The following VTCN1 variants were observed in gnomAD, a reference collection of about 807,000 sequenced individuals.
The protein encoded by VTCN1 is V-set domain-containing T-cell activation inhibitor 1.
In VTCN1, 26 loss-of-function variants were observed where a neutral mutation model predicts 26.5. The observed-to-expected ratio is 0.98, with a 90% CI of 0.72 to 1.36. The LOEUF is 1.36. Ranked by LOEUF, VTCN1 falls within the 40% of genes most tolerant of loss-of-function variation. The pLI is 0.00. For synonymous variants in VTCN1, 116 were observed against 130.7 expected, an observed-to-expected ratio of 0.89 and a Z score of 0.77; for missense variants, 298 against 337.7, an observed-to-expected ratio of 0.88 and a Z score of 0.92.
At chr1:117,158,886 A>G (rs538074883) in intron 2 of VTCN1, among the ~76,000 whole-genome samples, 1 of 152,236 alleles carries the variant, frequency 6.6e-6, no homozygotes, top group East Asian at 1.9e-4. Context: ...AGTTCCACAA[A>G]TCTCGAGGGC....
At chr1:117,190,458 G>A (rs930671227) in intron 1 of VTCN1, among the ~76,000 whole-genome samples, 1 of 152,208 alleles carries the variant, frequency 6.6e-6, no homozygotes, top group Non-Finnish European at 1.5e-5. Flanking sequence ...AGTATTTCCT[G>A]CTTACTAACT....
rs532664985 is a variant in VTCN1, at chr1:117,196,072, A to T, written c.32+14752T>A. ...AAGGGTGAAGTGGGAGGATCACTTGATCCTGGGAAGTTGAGGCTGCAGTGA... is the reference window on the plus strand; with the variant it reads ...AAGGGTGAAGTGGGAGGATCACTTGTTCCTGGGAAGTTGAGGCTGCAGTGA... On this transcript the variant is annotated intron_variant, in intron 1 of 5. Transcript: ENST00000369458. Among the ~76,000 whole-genome samples the T allele has an allele frequency of 4.6e-5, 7 of 152,258 alleles. No homozygotes were observed. In the East Asian group the frequency reaches 1.2e-3, roughly 25 times the overall value.
intron 1 of VTCN1, among the ~76,000 whole-genome samples, chr1:117,209,342 A>T (rs1357903756): frequency 6.6e-6 from 1 of 152,044 alleles, no homozygotes; most frequent in African/African-American, 2.4e-5. Context: ...TTGCAGGAGG[A>T]GTGTTTCATG....
chr1:117,144,769 GGCAGTCAATTAGCA>G lies in VTCN1; in HGVS notation c.*488_*501del, dbSNP rs1377958252. ...TGCAGCCGCCCCTGAGTTGCGAAGTGGCAGTCAATTAGCAGCGTCTTAGGGTACATACTACAGCT... is the reference window on the plus strand; with the variant it reads ...TGCAGCCGCCCCTGAGTTGCGAAGTGGCGTCTTAGGGTACATACTACAGCT... On this transcript the variant is annotated 3_prime_UTR_variant, in exon 6 of 6. Coordinates refer to ENST00000369458, the MANE Select transcript of VTCN1 (RefSeq NM_024626.4). The G allele has an allele frequency of 1.3e-5, 2 of 152,600 alleles. No individual in the cohort carries two copies. The highest frequency in any genetic ancestry group is 1.3e-4 in the Admixed American group (2 of 15,276). The allele number at this position is 152,600 out of a possible 1,614,324, so 9.5% of individuals were successfully genotyped here. A position where few individuals can be genotyped will look rare whatever the true frequency, so the allele number is the denominator to read the frequency against.
chr1:117,199,071 C>G (rs947465819), intron 1 of VTCN1, among the ~76,000 whole-genome samples: 1 of 152,108 alleles, frequency 6.6e-6, no homozygotes, highest in African/African-American at 2.4e-5. Context: ...CTCCTGGGCT[C>G]CCACATTCAC....
chr1:117,187,136 C>A (rs1647982209), intron 1 of VTCN1, among the ~76,000 whole-genome samples: 1 of 151,538 alleles, frequency 6.6e-6, no homozygotes, highest in Non-Finnish European at 1.5e-5. Context: ...CAAGGTGAAA[C>A]CCTGCCTCTA....
chr1:117,191,341 A>AG (rs1648234160), intron 1 of VTCN1, among the ~76,000 whole-genome samples: 1 of 152,206 alleles, frequency 6.6e-6, no homozygotes, highest in Non-Finnish European at 1.5e-5. Context: ...CAAGAGAGAA[A>AG]GGGGAAAACA....
intron 1 of VTCN1, chr1:117,203,911 G>T: frequency 2.6e-6 from 1 of 389,658 alleles, no homozygotes; most frequent in Non-Finnish European, 3.5e-6. Flanking sequence ...GTTCCCAGGT[G>T]ATGTGGATGC....
At chr1:117,181,811 G>T (rs929354596) in intron 1 of VTCN1, among the ~76,000 whole-genome samples, 7 of 152,120 alleles carry the variant, frequency 4.6e-5, no homozygotes, top group Non-Finnish European at 7.4e-5. Flanking sequence ...TTTCAGCGAG[G>T]TCATCAGTCA....
At position 117,146,702 on chromosome 1, in the gene VTCN1, G is replaced by A. The variant is rs774621418; in HGVS notation, c.*45+911C>T. Among the ~76,000 whole-genome samples the A allele has an allele frequency of 6.6e-6, 1 of 152,146 alleles. No individual in the cohort carries two copies. On this transcript the variant is annotated intron_variant, in intron 5 of 5. Coordinates refer to ENST00000369458, the MANE Select transcript of VTCN1 (RefSeq NM_024626.4). The surrounding 1 kb of genome is among the most constrained non-coding windows in gnomAD (Gnocchi z 4.2). ...GGCAGCAGTAGTGGTAGGTAGTAAT[G>A]GTGGGTAGGTATGCTTCTGTGACTT... is the stretch of plus-strand genomic sequence containing the variant.
At chr1:117,179,337 T>A (rs531740554) in intron 1 of VTCN1, among the ~76,000 whole-genome samples, 1 of 152,220 alleles carries the variant, frequency 6.6e-6, no homozygotes, top group Non-Finnish European at 1.5e-5. Context: ...ATCAGGGCGG[T>A]GATATGACTG....
Position 117,170,101 on chromosome 1 carries a change from A to C in VTCN1, c.97+6T>G. The C allele has an allele frequency of 6.2e-7, 1 of 1,612,618 alleles. No homozygotes were observed. The highest frequency in any genetic ancestry group is 8.5e-7 in the Non-Finnish European group (1 of 1,178,702). On this transcript the variant is annotated splice_donor_region_variant and intron_variant, in intron 2 of 5. Transcript: ENST00000369458. ...ATAGATTGTAGTAATGCAAGAAATC[A>C]CATACCTGAAATACCAAAGCCAATG...
At chr1:117,176,466 A>G (rs1647360047) in intron 1 of VTCN1, among the ~76,000 whole-genome samples, 1 of 152,236 alleles carries the variant, frequency 6.6e-6, no homozygotes, top group South Asian at 2.1e-4. Context: ...GGAAAGCTCA[A>G]AATGCTCAGT....
At chr1:117,189,898 G>A (rs1389215773) in intron 1 of VTCN1, among the ~76,000 whole-genome samples, 1 of 60,278 alleles carries the variant, frequency 1.7e-5, no homozygotes, top group Non-Finnish European at 3.1e-5. Flanking sequence ...AAACCCCAGT[G>A]AAGCCCAAGA....
At chr1:117,165,472 A>G (rs373184176) in intron 2 of VTCN1, among the ~76,000 whole-genome samples, 25 of 152,196 alleles carry the variant, frequency 1.6e-4, no homozygotes, top group African/African-American at 5.5e-4. Flanking sequence ...CAGATCCCTT[A>G]TAAATGGCTT....
chr1:117,170,196 A>G (rs1213749622), intron 1 of VTCN1, 25 bp from the exon 2 acceptor site: 11 of 1,609,356 alleles, frequency 6.8e-6, no homozygotes, highest in Admixed American at 6.7e-5. Context: ...AGAGAAACAG[A>G]AAATTAGTTC....
chr1:117,162,628 T>C (rs1311975323), intron 2 of VTCN1, among the ~76,000 whole-genome samples: 1 of 152,152 alleles, frequency 6.6e-6, no homozygotes, highest in African/African-American at 2.4e-5. Flanking sequence ...ATTAAACCCC[T>C]TTAAAATTGG....
chr1:117,207,667 G>A (rs1649128332), intron 1 of VTCN1, among the ~76,000 whole-genome samples: 1 of 152,118 alleles, frequency 6.6e-6, no homozygotes, highest in Admixed American at 6.5e-5. Context: ...GAAGGTCCCA[G>A]GGGAATCTCA....
rs762270858 is a variant in VTCN1 at position 117,170,154 on chromosome 1, A to T, written c.50T>A (p.Ile17Asn). Residue 17 changes from isoleucine to asparagine, a missense_variant, in exon 2 of 6, where the codon ATT (isoleucine) becomes AAT (asparagine). Transcript: ENST00000369458. ...ILFWSIISII[I>N]ILAGAIALII... Reference sequence around the variant, plus strand: ...GAGTGCAATTGCTCCAGCCAGAATAATGATGATGCTAATTATGCTACGGGA... The same window carrying T: ...GAGTGCAATTGCTCCAGCCAGAATATTGATGATGCTAATTATGCTACGGGA... 2.5e-6 allele frequency: 4 copies of T among 1,613,842 alleles called. No homozygotes were observed. Among genetic ancestry groups the T allele is most frequent in the Non-Finnish European group, 3.4e-6 (4 of 1,179,954 alleles).
Sources: gnomAD v4.1 joint callset for allele counts (sites outside exome capture counted in the v4.1 genomes callset) on GRCh38, gnomAD v4.1.1 for gene constraint, Gnocchi (gnomAD v3.1) non-coding constraint, MANE v1.5 for transcripts, NCBI Gene and HGNC (gene_info 2026-07-23, HGNC 2026-07-21) for gene names.